FSTL5: variants seen among roughly 807,000 people sequenced by gnomAD.
The protein encoded by FSTL5 is follistatin like 5, also known as follistatin-related protein 5.
Under a neutral mutation model 89.1 loss-of-function variants are expected in FSTL5, and 62 were observed. That is an observed-to-expected ratio of 0.70 (90% CI 0.57 to 0.86). The LOEUF (loss-of-function observed/expected upper bound fraction) is 0.86, where lower values mean the gene tolerates loss of function less well. Ranked by LOEUF, FSTL5 falls within the 40% of genes least tolerant of loss-of-function variation. The pLI is 0.00. For synonymous variants in FSTL5, 383 were observed against 346.2 expected (o/e 1.11, Z -1.18); for missense variants, 1,057 against 1,001.6 (o/e 1.06, Z -0.75).
chr4:162,028,083 A>G (rs1010760108), intron 3 of FSTL5, among the ~76,000 whole-genome samples: 9 of 152,212 alleles, frequency 5.9e-5, no homozygotes, highest in Admixed American at 3.3e-4. Context: ...ACTGCTTGAT[A>G]AAAACAACCA....
chr4:161,460,173 C>T (rs972371971), intron 13 of FSTL5, among the ~76,000 whole-genome samples: 11 of 151,960 alleles, frequency 7.2e-5, no homozygotes, highest in Non-Finnish European at 1.2e-4. Flanking sequence ...ACAGTGAAAG[C>T]ATTTCTTCCC....
At chr4:161,480,892 T>C (rs141245596) in intron 13 of FSTL5, 128 bp downstream of exon 13, 5 of 626,768 alleles carry the variant, frequency 8.0e-6, no homozygotes, top group African/African-American at 1.9e-5. Context: ...AGAAAATGCA[T>C]AAATTTTCTA....
intron 15 of FSTL5, among the ~76,000 whole-genome samples, chr4:161,407,928 C>A (rs1731442742): frequency 6.6e-6 from 1 of 152,216 alleles, no homozygotes; most frequent in African/African-American, 2.4e-5. Flanking sequence ...AGTGGGTAAA[C>A]ATGAGGAGGT....
At chr4:162,096,183 C>T (rs1326166755) in intron 2 of FSTL5, among the ~76,000 whole-genome samples, 1 of 151,718 alleles carries the variant, frequency 6.6e-6, no homozygotes, top group Non-Finnish European at 1.5e-5. Context: ...TTGAATCATC[C>T]TCAATTTTTA....
At chr4:161,641,737 G>A (rs62330764) in intron 7 of FSTL5, among the ~76,000 whole-genome samples, 11,458 of 151,852 alleles carry the variant, frequency 0.075, 601 homozygotes, top group East Asian at 0.19. Context: ...TTATCTGCCC[G>A]CCTTGGCCTC....
intron 2 of FSTL5, among the ~76,000 whole-genome samples, chr4:162,100,204 G>A (rs2111380188): frequency 6.6e-6 from 1 of 152,212 alleles, no homozygotes; most frequent in African/African-American, 2.4e-5. Context: ...AACAAACTGT[G>A]GTACATTCAG....
At chr4:161,787,956 A>G (rs1324903890) in intron 4 of FSTL5, among the ~76,000 whole-genome samples, 1 of 152,186 alleles carries the variant, frequency 6.6e-6, no homozygotes, top group Non-Finnish European at 1.5e-5. Context: ...AATATATTTA[A>G]GAAAAAAATT....
chr4:161,538,725 G>C (rs913796630), intron 9 of FSTL5, among the ~76,000 whole-genome samples: 1 of 151,964 alleles, frequency 6.6e-6, no homozygotes, highest in African/African-American at 2.4e-5. Flanking sequence ...AATTAATTGA[G>C]CTAAATCATG....
intron 2 of FSTL5, among the ~76,000 whole-genome samples, chr4:162,055,630 G>T (rs1738517796): frequency 2.0e-5 from 3 of 151,730 alleles, no homozygotes. Context: ...ATTTCAAACA[G>T]AATGTTAATT....
intron 3 of FSTL5, among the ~76,000 whole-genome samples, chr4:161,938,380 T>C: frequency 6.6e-6 from 1 of 152,216 alleles, no homozygotes; most frequent in East Asian, 1.9e-4. Flanking sequence ...CAAATTTCAC[T>C]AAAATTTAAA....
At chr4:161,525,776 T>C (rs1265550663) in intron 10 of FSTL5, among the ~76,000 whole-genome samples, 1 of 152,158 alleles carries the variant, frequency 6.6e-6, no homozygotes, top group Non-Finnish European at 1.5e-5. Context: ...TGTATGACAA[T>C]TCCTATTTTT....
At chr4:161,877,385 A>ATTAC in intron 4 of FSTL5, among the ~76,000 whole-genome samples, 1 of 146,352 alleles carries the variant, frequency 6.8e-6, no homozygotes, top group East Asian at 2.0e-4. Context: ...TATATTAAAA[A>ATTAC]TTACTATGAT....
chr4:161,813,158 C>T (rs534245397), intron 4 of FSTL5, among the ~76,000 whole-genome samples: 84 of 151,974 alleles, frequency 5.5e-4, no homozygotes, highest in African/African-American at 2.0e-3. Flanking sequence ...TCCCAAGCAG[C>T]TGGGACTACA....
chr4:162,069,928 T>C (rs1561002479), intron 2 of FSTL5, among the ~76,000 whole-genome samples: 1 of 151,924 alleles, frequency 6.6e-6, no homozygotes, highest in South Asian at 2.1e-4. Context: ...ATGAATCATA[T>C]CATATTCCTA....
chr4:161,486,119 T>C lies in FSTL5; in HGVS notation c.1459-4950A>G, dbSNP rs116561746. On this transcript the variant is annotated intron_variant, in intron 12 of 15. Transcript: ENST00000306100. ...AGATCGCAGCACTGCAGTACAGCCT[T>C]GGCGACAGAGTAAGACTCCGTCTCA... Among the ~76,000 whole-genome samples, 474 of 135,454 alleles carry C rather than the reference T, an allele frequency of 3.5e-3. 3 individuals carry two copies. Among genetic ancestry groups the C allele is most frequent in the African/African-American group, 0.012 (429 of 36,232 alleles). The allele number at this position is 135,454 out of a possible 152,430, so 88.9% of individuals were successfully genotyped here.
At chr4:161,431,884 T>C (rs1020714833) in intron 15 of FSTL5, among the ~76,000 whole-genome samples, 3 of 152,090 alleles carry the variant, frequency 2.0e-5, no homozygotes, top group African/African-American at 4.8e-5. Context: ...TATTATATAA[T>C]AATAAAGGGG....
chr4:162,137,517 T>G (rs1425653143), intron 1 of FSTL5, among the ~76,000 whole-genome samples: 1 of 152,112 alleles, frequency 6.6e-6, no homozygotes, highest in Non-Finnish European at 1.5e-5. Flanking sequence ...ATCTGAAATT[T>G]GTCCCCTCAC....
At chr4:161,526,255 T>C (rs1011627690) in intron 10 of FSTL5, among the ~76,000 whole-genome samples, 1 of 152,170 alleles carries the variant, frequency 6.6e-6, no homozygotes, top group African/African-American at 2.4e-5. Flanking sequence ...TAAGAAATTA[T>C]ATTTACAAAC....
intron 4 of FSTL5, among the ~76,000 whole-genome samples, chr4:161,832,362 C>T (rs1334686691): frequency 1.3e-5 from 2 of 152,100 alleles, no homozygotes; most frequent in Non-Finnish European, 2.9e-5. Context: ...GTGTCTCTGC[C>T]TGGCTTTGGT....
Sources: gnomAD v4.1 joint callset for allele counts (sites outside exome capture counted in the v4.1 genomes callset) on GRCh38, gnomAD v4.1.1 for gene constraint, MANE v1.5 for transcripts, NCBI Gene and HGNC (gene_info 2026-07-23, HGNC 2026-07-21) for gene names.